The following MLC1 variants were observed in gnomAD, a reference collection of about 807,000 sequenced individuals.
MLC1 encodes modulator of VRAC current 1.
In MLC1, 32 loss-of-function variants were observed where a neutral mutation model predicts 44.7. The ratio of observed to expected loss-of-function variants is 0.72; its 90% CI spans 0.54 to 0.96. The LOEUF (loss-of-function observed/expected upper bound fraction) is 0.96, where lower values mean the gene tolerates loss of function less well. Ranked by LOEUF, MLC1 falls within the 40% of genes least tolerant of loss-of-function variation. The pLI is 0.00. For synonymous variants in MLC1, 190 were observed against 213.0 expected (o/e 0.89, Z 0.94); for missense variants, 459 against 492.2 (o/e 0.93, Z 0.64).
chr22:50,080,244 A>G (rs2062087422), intron 4 of MLC1, 100 bp downstream of exon 4: 1 of 1,434,370 alleles, frequency 7.0e-7, no homozygotes, highest in Admixed American at 2.0e-5. Flanking sequence ...CGGTGCCACA[A>G]CGTCTGTGCG....
In MLC1 at chr22:50,081,717, C is replaced by T. The variant is rs577801039; in HGVS notation, c.268-1320G>A. ...CCTGAGCGAGGGGCAGAGCTAGGGCCAGGACAGCCAGGCTCAGCTCAGCAC... is the reference window on the plus strand; with the variant it reads ...CCTGAGCGAGGGGCAGAGCTAGGGCTAGGACAGCCAGGCTCAGCTCAGCAC... On this transcript the variant is annotated intron_variant, in intron 3 of 11. Transcript: ENST00000311597. 4.3e-4 allele frequency among the ~76,000 whole-genome samples: 66 copies of T among 152,374 alleles called. 2 individuals carry two copies. Among genetic ancestry groups the T allele is most frequent in the South Asian group, 6.2e-4 (3 of 4,832 alleles).
In MLC1 at chr22:50,074,343, C is replaced by T; in HGVS notation, c.598-11G>A. 1 of 1,605,048 alleles carries T rather than the reference C, an allele frequency of 6.2e-7. No homozygotes were observed. Among genetic ancestry groups the T allele is most frequent in the Non-Finnish European group, 8.5e-7 (1 of 1,171,922 alleles). ...GATTACCTCGACGACCTGGAGGGGA[C>T]AGGACAGCATCGGCTCATAAGGAAG... On this transcript the variant is annotated splice_polypyrimidine_tract_variant and intron_variant, in intron 7 of 11. Coordinates refer to ENST00000311597, the MANE Select transcript of MLC1 (RefSeq NM_015166.4).
intron 10 of MLC1, among the ~76,000 whole-genome samples, chr22:50,066,215 A>G (rs2061698538): frequency 6.8e-6 from 1 of 146,204 alleles, no homozygotes; most frequent in Admixed American, 6.9e-5. Flanking sequence ...AGCGAGGTAC[A>G]TGGCTGGGCA....
intron 9 of MLC1, among the ~76,000 whole-genome samples, chr22:50,070,299 G>A (rs1044454526): frequency 7.9e-5 from 12 of 152,344 alleles, no homozygotes; most frequent in East Asian, 5.8e-4. Flanking sequence ...AGCGCTTCCA[G>A]TGTCTACACC....
At chr22:50,076,024 G>A (rs192614989) in intron 7 of MLC1, among the ~76,000 whole-genome samples, 109 of 152,192 alleles carry the variant, frequency 7.2e-4, no homozygotes, top group Non-Finnish European at 1.4e-3. Context: ...AAGGAAGGAC[G>A]GAGCCTCTGC....
chr22:50,067,638 A>G (rs1175590736), intron 10 of MLC1, among the ~76,000 whole-genome samples: 56 of 20,480 alleles, frequency 2.7e-3, no homozygotes, highest in East Asian at 5.7e-3. Flanking sequence ...TCCATCCCCC[A>G]TCAGACAGTG....
At chr22:50,073,615 C>A (rs1483069182) in intron 8 of MLC1, among the ~76,000 whole-genome samples, 1 of 152,168 alleles carries the variant, frequency 6.6e-6, no homozygotes, top group African/African-American at 2.4e-5. Context: ...CGCCTGTAAT[C>A]CCAGCTACTT....
intron 6 of MLC1, 150 bp downstream of exon 6, chr22:50,077,251 G>A: frequency 1.3e-6 from 1 of 770,714 alleles, no homozygotes; most frequent in Non-Finnish European, 2.2e-6. Flanking sequence ...TCCTGGCCGG[G>A]GTTTCTGAGA....
chr22:50,078,611 C>A (rs1026763678), intron 5 of MLC1, among the ~76,000 whole-genome samples: 1 of 151,772 alleles, frequency 6.6e-6, no homozygotes, highest in African/African-American at 2.4e-5. Flanking sequence ...CGGTGGCGCA[C>A]GCCTGTAATC....
intron 1 of MLC1, 139 bp from the exon 2 acceptor site, chr22:50,085,100 T>TA (rs1169633997): frequency 1.4e-6 from 2 of 1,443,728 alleles, no homozygotes; most frequent in Non-Finnish European, 1.8e-6. Context: ...CACTTGAATC[T>TA]AAAAGTGAAA....
chr22:50,062,097 CTGTCCACCCTGAGCCCCAGT>C (rs1181782659), intron 11 of MLC1, among the ~76,000 whole-genome samples: 4 of 150,896 alleles, frequency 2.7e-5, no homozygotes, highest in African/African-American at 4.9e-5. Flanking sequence ...TGAGCCCCAG[CTGTCCACCCTGAGCCCCAGT>C]TGTCCACCCT....
At chr22:50,066,739 T>C (rs1188083749) in intron 10 of MLC1, among the ~76,000 whole-genome samples, 2 of 152,144 alleles carry the variant, frequency 1.3e-5, no homozygotes, top group African/African-American at 4.8e-5. Flanking sequence ...AAAATTATCA[T>C]CTGGTTGCCC....
At chr22:50,075,849 G>A (rs1271244523) in intron 7 of MLC1, among the ~76,000 whole-genome samples, 7 of 152,314 alleles carry the variant, frequency 4.6e-5, no homozygotes, top group Admixed American at 3.9e-4. Flanking sequence ...CATTGTTGGA[G>A]TAAAAAGGCA....
chr22:50,061,555 G>A lies in MLC1; in HGVS notation c.*28C>T, dbSNP rs1376265010. 8 of 1,607,448 alleles carry A rather than the reference G, an allele frequency of 5.0e-6. No individual in the cohort carries two copies. The highest frequency in any genetic ancestry group is 4.5e-5 in the East Asian group (2 of 44,858). ...TTCCATGCTTGGGGCCAGGCTGGGC[G>A]CTGCCACCCGGTTTCCGCGTCTGGG... On this transcript the variant is annotated 3_prime_UTR_variant, in exon 12 of 12. Coordinates refer to ENST00000311597, the MANE Select transcript of MLC1 (RefSeq NM_015166.4).
chr22:50,085,497 G>A, upstream of MLC1: 1 of 167,480 alleles, frequency 6.0e-6, no homozygotes, highest in African/African-American at 2.4e-5. Flanking sequence ...TCAATGAGGG[G>A]AGGAATCGGG....
rs138153307 is a variant in MLC1 at position 50,074,303 on chromosome 22, G to A, written c.627C>T (p.Ala209=). The A allele has an allele frequency of 1.5e-3, 2,343 of 1,614,078 alleles. 3 individuals carry two copies. Among genetic ancestry groups the A allele is most frequent in the Non-Finnish European group, 1.9e-3 (2,184 of 1,180,018 alleles). ...SVVEVIAGIS[A]VLGGIIALNV... Reference sequence around the variant, plus strand: ...TCAGGGCAATGATCCCCCCGAGGACGGCAGAGATGCCTGCGATTACCTCGA... The same window carrying A: ...TCAGGGCAATGATCCCCCCGAGGACAGCAGAGATGCCTGCGATTACCTCGA... Residue 209 remains alanine, a synonymous_variant, in exon 8 of 12, where the codon GCC becomes GCT. Transcript: ENST00000311597.
intron 8 of MLC1, 88 bp downstream of exon 8, chr22:50,074,128 G>A: frequency 9.2e-7 from 1 of 1,081,556 alleles, no homozygotes; most frequent in Non-Finnish European, 1.4e-6. Context: ...CTGTCTGAAT[G>A]CACCAAGACT....
chr22:50,079,879 T>G, intron 5 of MLC1, 39 bp downstream of exon 5: 1 of 1,391,970 alleles, frequency 7.2e-7, no homozygotes. Flanking sequence ...AGTGGGGCTG[T>G]GGGTGTCAGG....
rs913644774 is a variant in MLC1, at chr22:50,084,773, G to T, written c.130C>A (p.Pro44Thr). 1.2e-6 allele frequency: 2 copies of T among 1,613,988 alleles called. No homozygotes were observed. Among genetic ancestry groups the T allele is most frequent in the African/African-American group, 1.3e-5 (1 of 74,948 alleles). ...CACGTCTTGTGGCTGAAGCAGGGGGGCAGTCTCTTCGACAGCTGCAGGTCG... is the reference window on the plus strand; with the variant it reads ...CACGTCTTGTGGCTGAAGCAGGGGGTCAGTCTCTTCGACAGCTGCAGGTCG... Reference protein sequence around the residue: ...PSDLQLSKRLPPCFSHKTWVF... With the variant: ...PSDLQLSKRLTPCFSHKTWVF... The change falls in exon 2 of 12, where the codon CCC (proline) becomes ACC (threonine). Residue 44 changes from proline (P) to threonine (T), a missense_variant. Coordinates refer to ENST00000311597, the MANE Select transcript of MLC1 (RefSeq NM_015166.4).
Sources: allele counts gnomAD v4.1 joint callset (sites outside exome capture counted in the v4.1 genomes callset), GRCh38; gene constraint gnomAD v4.1.1; transcripts MANE v1.5; gene names NCBI Gene and HGNC (gene_info 2026-07-23, HGNC 2026-07-21).